The following CTNNA3 variants were observed in gnomAD, a reference collection of about 807,000 sequenced individuals.
CTNNA3 encodes the protein catenin alpha-3.
CTNNA3 carries 76 observed loss-of-function variants against 95.7 expected under a neutral mutation model. The ratio of observed to expected loss-of-function variants is 0.79; its 90% CI spans 0.66 to 0.96. The LOEUF is 0.96. CTNNA3 is among the 40% of genes least tolerant of loss of function. CTNNA3 has a pLI of 0.00. For synonymous variants in CTNNA3, 431 were observed against 374.4 expected (o/e 1.15, Z -1.74); for missense variants, 1,191 against 1,089.8 (o/e 1.09, Z -1.31).
rs138918078 is a variant in CTNNA3, at chr10:66,151,776, C to G, written c.1885-48527G>C. Among the ~76,000 whole-genome samples the G allele has an allele frequency of 6.4e-3, 969 of 152,008 alleles. 7 individuals carry two copies. Among genetic ancestry groups the G allele is most frequent in the African/African-American group, 0.022 (919 of 41,518 alleles). Reference sequence around the variant, plus strand: ...TATTAAAGTTTGAGTTAAGCTACACCAGAGTTAAAAGCACCAACCAATTCC... The same window carrying G: ...TATTAAAGTTTGAGTTAAGCTACACGAGAGTTAAAAGCACCAACCAATTCC... On this transcript the variant is annotated intron_variant, in intron 13 of 17. Transcript: ENST00000433211.
At chr10:67,118,125 C>T (rs1859278625) in intron 7 of CTNNA3, among the ~76,000 whole-genome samples, 2 of 151,890 alleles carry the variant, frequency 1.3e-5, no homozygotes, top group African/African-American at 4.8e-5. Context: ...CAGTAAACAG[C>T]ACTTTAGGAA....
At chr10:66,969,697 G>T (rs139545618) in intron 7 of CTNNA3, among the ~76,000 whole-genome samples, 139 of 152,164 alleles carry the variant, frequency 9.1e-4, no homozygotes, top group Middle Eastern at 6.8e-3. Context: ...ATAGGTCAAA[G>T]CTGATATACT....
chr10:67,684,024 G>T (rs1464564880), intron 1 of CTNNA3, among the ~76,000 whole-genome samples: 2 of 152,204 alleles, frequency 1.3e-5, no homozygotes, highest in East Asian at 3.8e-4. Flanking sequence ...AAAGAACAAA[G>T]CTTCCACAGC....
At chr10:67,492,547 A>C (rs2133082055) in intron 5 of CTNNA3, among the ~76,000 whole-genome samples, 1 of 152,352 alleles carries the variant, frequency 6.6e-6, no homozygotes, top group South Asian at 2.1e-4. Flanking sequence ...CCAATGGAGA[A>C]GCCAGGCAAT....
At chr10:66,714,035 A>C (rs1331373750) in intron 9 of CTNNA3, among the ~76,000 whole-genome samples, 1 of 152,160 alleles carries the variant, frequency 6.6e-6, no homozygotes, top group Non-Finnish European at 1.5e-5. Flanking sequence ...TTCTGAACAG[A>C]TCTACCTTGT....
chr10:66,287,564 C>G (rs983588414), intron 12 of CTNNA3, among the ~76,000 whole-genome samples: 1 of 151,828 alleles, frequency 6.6e-6, no homozygotes, highest in African/African-American at 2.4e-5. Flanking sequence ...TTGCAGGACA[C>G]TTAGGATAAA....
chr10:66,069,537 G>A, intron 14 of CTNNA3, 48 bp from the exon 15 acceptor site: 2 of 1,422,406 alleles, frequency 1.4e-6, no homozygotes, highest in Non-Finnish European at 1.9e-6. Flanking sequence ...TATGTCAAAA[G>A]CATTTTAGGA....
At chr10:66,235,458 A>G (rs1423895740) in intron 13 of CTNNA3, among the ~76,000 whole-genome samples, 1 of 151,514 alleles carries the variant, frequency 6.6e-6, no homozygotes, top group Non-Finnish European at 1.5e-5. Flanking sequence ...TGATATATAA[A>G]ATAAATTGAC....
chr10:67,715,080 G>A (rs1218167475), intron 1 of CTNNA3, among the ~76,000 whole-genome samples: 2 of 152,144 alleles, frequency 1.3e-5, no homozygotes, highest in African/African-American at 2.4e-5. Flanking sequence ...CTCTTGGGAT[G>A]ACTCAGAAAT....
chr10:66,101,762 C>G (rs775162369), intron 14 of CTNNA3, among the ~76,000 whole-genome samples: 1 of 151,926 alleles, frequency 6.6e-6, no homozygotes, highest in Admixed American at 6.6e-5. Flanking sequence ...AAAAGGCAAT[C>G]AAAAAGAATA....
At chr10:66,212,620 A>T (rs2088242054) in intron 13 of CTNNA3, among the ~76,000 whole-genome samples, 1 of 152,134 alleles carries the variant, frequency 6.6e-6, no homozygotes, top group East Asian at 1.9e-4. Context: ...GTTGTAAAAG[A>T]TTTTTAATTT....
chr10:66,588,352 G>T (rs1746181567), intron 10 of CTNNA3, among the ~76,000 whole-genome samples: 1 of 152,110 alleles, frequency 6.6e-6, no homozygotes, highest in Non-Finnish European at 1.5e-5. Context: ...TTTCTGTTAA[G>T]TTCCTGTGTT....
At position 67,745,297 on chromosome 10, in the gene CTNNA3, G is replaced by C. The variant is rs573417698; in HGVS notation, c.-2+18137C>G. On this transcript the variant is annotated intron_variant, in intron 1 of 17. Transcript: ENST00000684154. Reference sequence around the variant, plus strand: ...ACGATAGACTGGATTAAGAAAATTTGGCACATATACACCATGGAATACCAT... The same window carrying C: ...ACGATAGACTGGATTAAGAAAATTTCGCACATATACACCATGGAATACCAT... 1.7e-3 allele frequency among the ~76,000 whole-genome samples: 259 copies of C among 152,092 alleles called. 1 individual carries two copies. The highest frequency in any genetic ancestry group is 5.9e-3 in the African/African-American group (246 of 41,492).
chr10:66,668,158 T>C (rs2132463054), intron 9 of CTNNA3, among the ~76,000 whole-genome samples: 1 of 152,274 alleles, frequency 6.6e-6, no homozygotes, highest in South Asian at 2.1e-4. Flanking sequence ...AGAGTTTCTT[T>C]CCAACACTCA....
At chr10:67,293,176 T>C (rs1381158528) in intron 5 of CTNNA3, among the ~76,000 whole-genome samples, 2 of 152,168 alleles carry the variant, frequency 1.3e-5, no homozygotes, top group Admixed American at 6.5e-5. Context: ...GTAGACTTTC[T>C]TTTTTATAAG....
At chr10:66,362,422 T>C (rs1210799325) in intron 12 of CTNNA3, among the ~76,000 whole-genome samples, 3 of 151,036 alleles carry the variant, frequency 2.0e-5, no homozygotes, top group African/African-American at 7.3e-5. Flanking sequence ...TAAAAGGTAA[T>C]TTGATAGGCC....
At chr10:66,143,023 T>C (rs1350536895) in intron 13 of CTNNA3, among the ~76,000 whole-genome samples, 1 of 152,120 alleles carries the variant, frequency 6.6e-6, no homozygotes, top group Non-Finnish European at 1.5e-5. Flanking sequence ...ACTAAATTTC[T>C]GACAGTGTAA....
At chr10:67,346,797 A>G (rs1278505484) in intron 5 of CTNNA3, 2 of 421,428 alleles carry the variant, frequency 4.7e-6, no homozygotes, top group African/African-American at 4.1e-5. Flanking sequence ...TGTCAAGATC[A>G]TTCCCTCATG....
At chr10:67,750,396 C>G in intron 1 of CTNNA3, 1 of 1,488,542 alleles carries the variant, frequency 6.7e-7, no homozygotes, top group South Asian at 1.1e-5. Flanking sequence ...GCCATTGATG[C>G]AGGATATCGC....
Sources: allele counts gnomAD v4.1 joint callset (sites outside exome capture counted in the v4.1 genomes callset), GRCh38; gene constraint gnomAD v4.1.1; transcripts MANE v1.5; gene names NCBI Gene and HGNC (gene_info 2026-07-23, HGNC 2026-07-21).